LRRTM3: variants seen among roughly 807,000 people sequenced by gnomAD.
The protein encoded by LRRTM3 is leucine rich repeat transmembrane neuronal 3.
Under a neutral mutation model 44.7 loss-of-function variants are expected in LRRTM3, and 24 were observed. The ratio of observed to expected loss-of-function variants is 0.54; its 90% CI spans 0.39 to 0.76. The LOEUF is 0.76. Among genes scored for constraint, LRRTM3 ranks in the 30% least tolerant of loss-of-function variants. The pLI, the probability that LRRTM3 is intolerant of heterozygous loss-of-function variation, is 0.00. For synonymous variants in LRRTM3, 277 were observed against 278.7 expected (o/e 0.99, Z 0.06); for missense variants, 587 against 702.2 (o/e 0.84, Z 1.85).
At chr10:67,011,398 T>A (rs955891328) in intron 2 of LRRTM3, among the ~76,000 whole-genome samples, 17 of 148,290 alleles carry the variant, frequency 1.1e-4, no homozygotes, top group Non-Finnish European at 1.0e-4. Flanking sequence ...TTCAGAAGGT[T>A]ACAAATTCAG....
At chr10:67,006,155 A>C (rs1851975580) in intron 2 of LRRTM3, among the ~76,000 whole-genome samples, 1 of 152,122 alleles carries the variant, frequency 6.6e-6, no homozygotes, top group Admixed American at 6.6e-5. Context: ...TGTTTCTTGC[A>C]GGGAAGCTGA....
chr10:67,075,200 C>T (rs1347783207), intron 2 of LRRTM3, among the ~76,000 whole-genome samples: 2 of 92,540 alleles, frequency 2.2e-5, no homozygotes, highest in East Asian at 2.8e-4. Flanking sequence ...TCACACACTA[C>T]TATTTAAAAT....
chr10:66,952,085 A>T (rs2132725127), intron 2 of LRRTM3, among the ~76,000 whole-genome samples: 1 of 152,304 alleles, frequency 6.6e-6, no homozygotes, highest in South Asian at 2.1e-4. Context: ...ATTTTCCAGC[A>T]TGCTGGGTCC....
chr10:66,953,555 A>G (rs964250153), intron 2 of LRRTM3, among the ~76,000 whole-genome samples: 1 of 152,176 alleles, frequency 6.6e-6, no homozygotes, highest in African/African-American at 2.4e-5. Flanking sequence ...CTGGCACACC[A>G]TAGTTAGTTA....
At chr10:66,982,424 A>C (rs551580933) in intron 2 of LRRTM3, among the ~76,000 whole-genome samples, 3 of 152,326 alleles carry the variant, frequency 2.0e-5, no homozygotes, top group Non-Finnish European at 4.4e-5. Context: ...CTAACCAAGG[A>C]TAATGCATTC....
chr10:67,045,453 AC>A (rs1854670266), intron 2 of LRRTM3, among the ~76,000 whole-genome samples: 1 of 152,018 alleles, frequency 6.6e-6, no homozygotes, highest in Admixed American at 6.6e-5. Context: ...TTGTTGTTTT[AC>A]AAACCCTTGT....
At chr10:67,092,729 T>C (rs10740268) in intron 2 of LRRTM3, among the ~76,000 whole-genome samples, 16,624 of 152,020 alleles carry the variant, frequency 0.11, 1,091 homozygotes, top group African/African-American at 0.18. Context: ...TTTAACCATC[T>C]AACTTTGTAC....
At chr10:67,003,742 CTAGT>C (rs1195064441) in intron 2 of LRRTM3, among the ~76,000 whole-genome samples, 2 of 152,090 alleles carry the variant, frequency 1.3e-5, no homozygotes, top group African/African-American at 4.8e-5. Context: ...CCTCTAGAGA[CTAGT>C]TAGATTCTGG....
At chr10:66,956,482 A>T (rs940799721) in intron 2 of LRRTM3, among the ~76,000 whole-genome samples, 2 of 152,086 alleles carry the variant, frequency 1.3e-5, no homozygotes, top group African/African-American at 4.8e-5. Flanking sequence ...AGTTATTGTC[A>T]TCCAGGCAAT....
Position 66,965,221 on chromosome 10 carries a change from G to GT in LRRTM3, c.1536+36776dup, listed in dbSNP as rs951026631. Among the ~76,000 whole-genome samples, 24 of 151,478 alleles carry GT rather than the reference G, an allele frequency of 1.6e-4. 1 individual carries two copies. Among genetic ancestry groups the GT allele is most frequent in the African/African-American group, 4.4e-4 (18 of 41,176 alleles). On this transcript the variant is annotated intron_variant, in intron 2 of 2. Coordinates refer to ENST00000361320, the MANE Select transcript of LRRTM3 (RefSeq NM_178011.5). ...CTCCAGGTTGTGTTTAAAAAGCTGG[G>GT]TTTTTTTGGGGTTTTTTTGTTTGTT...
chr10:67,058,720 C>G (rs1341801028), intron 2 of LRRTM3, among the ~76,000 whole-genome samples: 3 of 152,088 alleles, frequency 2.0e-5, no homozygotes, highest in East Asian at 3.9e-4. Flanking sequence ...AGCTATTTCT[C>G]TTTTTGCAAG....
At chr10:67,021,791 A>T (rs1051931745) in intron 2 of LRRTM3, among the ~76,000 whole-genome samples, 7 of 152,178 alleles carry the variant, frequency 4.6e-5, no homozygotes, top group African/African-American at 1.7e-4. Flanking sequence ...TGTGATGCTG[A>T]ATTAGGACAA....
intron 2 of LRRTM3, among the ~76,000 whole-genome samples, chr10:66,959,487 G>T (rs535024479): frequency 6.6e-6 from 1 of 152,250 alleles, no homozygotes; most frequent in Non-Finnish European, 1.5e-5. Flanking sequence ...AAATATGCAA[G>T]GGTTCAGAAT....
chr10:67,095,206 C>T (rs1215204979), intron 2 of LRRTM3, among the ~76,000 whole-genome samples: 1 of 151,584 alleles, frequency 6.6e-6, no homozygotes, highest in Non-Finnish European at 1.5e-5. Context: ...CTTACTGATA[C>T]ATCTTACTAT....
intron 2 of LRRTM3, among the ~76,000 whole-genome samples, chr10:67,033,380 T>C (rs964686897): frequency 1.3e-5 from 2 of 152,182 alleles, no homozygotes. Context: ...ATCTCGATGC[T>C]TCTCTCCCAT....
chr10:66,991,785 T>C (rs1193958070), intron 2 of LRRTM3, among the ~76,000 whole-genome samples: 3 of 152,330 alleles, frequency 2.0e-5, no homozygotes, highest in South Asian at 2.1e-4. Flanking sequence ...ATATCACATG[T>C]AGGATATTTT....
Position 66,952,924 on chromosome 10 carries a change from G to T in LRRTM3, c.1536+24472G>T, listed in dbSNP as rs371038825. On this transcript the variant is annotated intron_variant, in intron 2 of 2. Coordinates refer to ENST00000361320, the MANE Select transcript of LRRTM3 (RefSeq NM_178011.5). ...AAGCCAGCACAGTAGTGTTACAGCC[G>T]TTCAGAATGCAAGGTATCCTTTGAA... 5.3e-5 allele frequency among the ~76,000 whole-genome samples: 8 copies of T among 152,072 alleles called. 1 individual carries two copies. Among genetic ancestry groups the T allele is most frequent in the African/African-American group, 1.9e-4 (8 of 41,494 alleles).
At chr10:67,026,329 TAAG>T (rs1161201292) in intron 2 of LRRTM3, among the ~76,000 whole-genome samples, 1 of 152,092 alleles carries the variant, frequency 6.6e-6, no homozygotes, top group Non-Finnish European at 1.5e-5. Context: ...AGTAGAGTTT[TAAG>T]AAGATGAATT....
chr10:67,001,997 A>C (rs976406209), intron 2 of LRRTM3, among the ~76,000 whole-genome samples: 48 of 152,300 alleles, frequency 3.2e-4, no homozygotes, highest in African/African-American at 1.1e-3. Context: ...TATGAGTCTT[A>C]GAGTCCGAAG....
Sources: gnomAD v4.1 joint callset for allele counts (sites outside exome capture counted in the v4.1 genomes callset) on GRCh38, gnomAD v4.1.1 for gene constraint, MANE v1.5 for transcripts, NCBI Gene and HGNC (gene_info 2026-07-23, HGNC 2026-07-21) for gene names.